DYNC2H1: variants seen among roughly 807,000 people sequenced by gnomAD.
DYNC2H1 encodes dynein cytoplasmic 2 heavy chain 1.
In DYNC2H1, 410 loss-of-function variants were observed where a neutral mutation model predicts 570.0. That is an observed-to-expected ratio of 0.72 (90% CI 0.66 to 0.78). The LOEUF is 0.78. DYNC2H1 is among the 30% of genes least tolerant of loss of function. The pLI, the probability that DYNC2H1 is intolerant of heterozygous loss-of-function variation, is 0.00. For missense variants in DYNC2H1, 4,865 were observed against 5,046.4 expected, an observed-to-expected ratio of 0.96 and a Z score of 1.09; for synonymous variants, 1,688 against 1,677.6, an observed-to-expected ratio of 1.01 and a Z score of -0.15.
chr11:103,206,020 G>A (rs1235035786), intron 52 of DYNC2H1, among the ~76,000 whole-genome samples: 1 of 152,150 alleles, frequency 6.6e-6, no homozygotes, highest in Non-Finnish European at 1.5e-5. Context: ...TTTCTGTGCT[G>A]AAAGTAGACT....
At chr11:103,259,635 A>G (rs1591486822) in intron 69 of DYNC2H1, among the ~76,000 whole-genome samples, 2 of 152,184 alleles carry the variant, frequency 1.3e-5, no homozygotes, top group African/African-American at 4.8e-5. Context: ...TATAAAATTC[A>G]ACTTATATTG....
At position 103,363,374 on chromosome 11, in the gene DYNC2H1, A is replaced by G. The variant is rs1158803047; in HGVS notation, c.12156+5015A>G. Among the ~76,000 whole-genome samples, 1 of 152,162 alleles carries G rather than the reference A, an allele frequency of 6.6e-6. No homozygotes were observed. Among genetic ancestry groups the G allele is most frequent in the Non-Finnish European group, 1.5e-5 (1 of 68,016 alleles). On this transcript the variant is annotated intron_variant, in intron 83 of 88. Coordinates refer to ENST00000375735, the MANE Select transcript of DYNC2H1 (RefSeq NM_001377.3). This position sits in a 1 kb window ranked among gnomAD's most constrained non-coding sequence, Gnocchi z 5.6. ...TGGAGAGGAGATCTACTAGTGTGTT[A>G]TTTCAACTGAGAGAGAATGTTTATC... is the stretch of plus-strand genomic sequence containing the variant.
At chr11:103,377,552 AAACT>A (rs1403000255) in intron 83 of DYNC2H1, among the ~76,000 whole-genome samples, 1 of 152,142 alleles carries the variant, frequency 6.6e-6, no homozygotes, top group African/African-American at 2.4e-5. Context: ...TATTGGTGGA[AAACT>A]AACCATTTAG....
intron 47 of DYNC2H1, 25 bp from the exon 48 acceptor site, chr11:103,197,908 A>G (rs1006587733): frequency 2.6e-6 from 4 of 1,556,946 alleles, no homozygotes; most frequent in African/African-American, 2.7e-5. Flanking sequence ...TGCATATAAA[A>G]CAAAAATATC....
At chr11:103,266,159 G>T (rs531509302) in intron 70 of DYNC2H1, among the ~76,000 whole-genome samples, 1 of 152,182 alleles carries the variant, frequency 6.6e-6, no homozygotes, top group Non-Finnish European at 1.5e-5. Flanking sequence ...TTCATAGTGC[G>T]GTTACAGTGG....
intron 54 of DYNC2H1, among the ~76,000 whole-genome samples, chr11:103,212,550 A>G (rs1277819573): frequency 6.6e-6 from 1 of 152,128 alleles, no homozygotes; most frequent in Non-Finnish European, 1.5e-5. Context: ...TATATTTTAT[A>G]AAGTAATGTT....
At position 103,472,307 on chromosome 11, in the gene DYNC2H1, T is replaced by C. The variant is rs1333711800; in HGVS notation, c.12765+3602T>C. 6.6e-6 allele frequency among the ~76,000 whole-genome samples: 1 copy of C among 152,022 alleles called. No homozygotes were observed. Among genetic ancestry groups the C allele is most frequent in the Non-Finnish European group, 1.5e-5 (1 of 67,966 alleles). ...TGGGAGGCCAAGGCAGGAGAATCAC[T>C]TGAGCCCAGGAGTTAGAGCCTGGCT... is the stretch of plus-strand genomic sequence containing the variant. On this transcript the variant is annotated intron_variant, in intron 88 of 88. Transcript: ENST00000375735. This position sits in a 1 kb window ranked among gnomAD's most constrained non-coding sequence, Gnocchi z 4.1.
rs1939018588 is a variant in DYNC2H1 at position 103,334,615 on chromosome 11, CAT to C, written c.12039+10629_12039+10630del. Among the ~76,000 whole-genome samples, 1 of 151,810 alleles carries C rather than the reference CAT, an allele frequency of 6.6e-6. No homozygotes were observed. The highest frequency in any genetic ancestry group is 2.4e-5 in the African/African-American group (1 of 41,342). Reference sequence around the variant, plus strand: ...TAATATGTAACATCAATATAAATAACATATAAATACGTGTCTTAAATTTGAAG... The same window carrying C: ...TAATATGTAACATCAATATAAATAACATAAATACGTGTCTTAAATTTGAAG... On this transcript the variant is annotated intron_variant, in intron 82 of 88. Transcript: ENST00000375735. This position sits in a 1 kb window ranked among gnomAD's most constrained non-coding sequence, Gnocchi z 4.3.
At chr11:103,298,781 T>C (rs947994641) in intron 75 of DYNC2H1, among the ~76,000 whole-genome samples, 2 of 152,152 alleles carry the variant, frequency 1.3e-5, no homozygotes, top group Admixed American at 6.6e-5. Context: ...ATCATTCATA[T>C]GGAAAGATCT....
Position 103,277,177 on chromosome 11 carries a change from A to C in DYNC2H1, c.10696-3171A>C, listed in dbSNP as rs1023859563. ...TACCCCCTTTTAGACCTTATATAAC[A>C]GGTGTTAAAAATTTGGTTTTATTCT... On this transcript the variant is annotated intron_variant, in intron 70 of 88. Coordinates refer to ENST00000375735, the MANE Select transcript of DYNC2H1 (RefSeq NM_001377.3). This position sits in a 1 kb window ranked among gnomAD's most constrained non-coding sequence, Gnocchi z 4.3. 6.6e-6 allele frequency among the ~76,000 whole-genome samples: 1 copy of C among 152,082 alleles called. No individual in the cohort carries two copies. The highest frequency in any genetic ancestry group is 2.4e-5 in the African/African-American group (1 of 41,440).
Position 103,177,512 on chromosome 11 carries a change from T to C in DYNC2H1, c.5875-44T>C. On this transcript the variant is annotated intron_variant, in intron 37 of 88. Transcript: ENST00000375735. This position sits in a 1 kb window ranked among gnomAD's most constrained non-coding sequence, Gnocchi z 4.4. ...AGAATAAAAGCAGAACTAAGTATGA[T>C]TGAATATTATAAATCATATATGAAC... is the stretch of plus-strand genomic sequence containing the variant. 2.6e-6 allele frequency: 4 copies of C among 1,557,652 alleles called. No individual in the cohort carries two copies. The highest frequency in any genetic ancestry group is 3.5e-6 in the Non-Finnish European group (4 of 1,155,110).
chr11:103,112,048 C>G (rs1246452838), intron 1 of DYNC2H1, among the ~76,000 whole-genome samples: 1 of 152,052 alleles, frequency 6.6e-6, no homozygotes, highest in Non-Finnish European at 1.5e-5. Flanking sequence ...GATGGGGCAG[C>G]GTGGGGAACT....
At chr11:103,284,385 C>G (rs1287430584) in intron 73 of DYNC2H1, among the ~76,000 whole-genome samples, 1 of 152,120 alleles carries the variant, frequency 6.6e-6, no homozygotes, top group Non-Finnish European at 1.5e-5. Context: ...CTGACAAGCT[C>G]TGGTTTTTTG....
chr11:103,300,509 G>A (rs955978394), intron 75 of DYNC2H1, among the ~76,000 whole-genome samples: 1 of 151,984 alleles, frequency 6.6e-6, no homozygotes, highest in South Asian at 2.1e-4. Context: ...TTCACTTAAA[G>A]TGCAACAGAA....
At chr11:103,340,524 T>C (rs1315108866) in intron 82 of DYNC2H1, among the ~76,000 whole-genome samples, 2 of 152,208 alleles carry the variant, frequency 1.3e-5, no homozygotes. Context: ...TATGTGCAAG[T>C]AAAATATTGG....
intron 84 of DYNC2H1, among the ~76,000 whole-genome samples, chr11:103,428,800 G>GCA (rs1943777435): frequency 6.6e-6 from 1 of 151,986 alleles, no homozygotes; most frequent in Admixed American, 6.6e-5. Context: ...CCATGCTGTA[G>GCA]CATATATCAA....
At position 103,257,618 on chromosome 11, in the gene DYNC2H1, C is replaced by T; in HGVS notation, c.10472C>T (p.Ala3491Val). Residue 3491 changes from alanine (A) to valine (V), a missense_variant, in exon 69 of 89, where the codon GCC (alanine) becomes GTC (valine). Around this residue, in one of 5 missense-constraint regions of DYNC2H1, gnomAD observed 2,401 missense variants for 2,454.6 expected, o/e 0.98. Transcript: ENST00000375735. Reference protein sequence around the residue: ...LQISLDQERDAYLPLAESASK... With the variant: ...LQISLDQERDVYLPLAESASK... ...TCTCTTGATCCATAGGAACGGGATGCCTATCTCCCCCTGGCTGAGAGTGCC... is the reference window on the plus strand; with the variant it reads ...TCTCTTGATCCATAGGAACGGGATGTCTATCTCCCCCTGGCTGAGAGTGCC... 3.7e-6 allele frequency: 6 copies of T among 1,610,448 alleles called. No homozygotes were observed. Among genetic ancestry groups the T allele is most frequent in the African/African-American group, 1.3e-5 (1 of 74,916 alleles).
chr11:103,140,415 A>G (rs1016874532), intron 17 of DYNC2H1, among the ~76,000 whole-genome samples: 6 of 152,098 alleles, frequency 3.9e-5, no homozygotes, highest in Non-Finnish European at 8.8e-5. Flanking sequence ...TGGTGGTGAC[A>G]AAATCTCTCA....
rs1860660639 is a variant in DYNC2H1, at chr11:103,153,379, G to GATAAAAATTATCAAGAACT, written c.3173_3174insATAAAAATTATCAAGAACT (p.Trp1058Ter). The GATAAAAATTATCAAGAACT allele has an allele frequency of 6.4e-7, 1 of 1,551,202 alleles. No homozygotes were observed. Among genetic ancestry groups the GATAAAAATTATCAAGAACT allele is most frequent in the East Asian group, 2.4e-5 (1 of 41,298 alleles). On this transcript the variant is annotated stop_gained and frameshift_variant, in exon 22 of 89. Transcript: ENST00000375735. LOFTEE classifies it high-confidence loss of function. ...GAACTGGAAAAATTTAAAGCTCGTT[G>GATAAAAATTATCAAGAACT]GGACCAACTAAAGCCTGGTGATGAT...
Sources: gnomAD v4.1 joint callset for allele counts (sites outside exome capture counted in the v4.1 genomes callset) on GRCh38, gnomAD v4.1.1 for gene constraint, gnomAD v4.1.1 regional missense constraint, Gnocchi (gnomAD v3.1) non-coding constraint, MANE v1.5 for transcripts, NCBI Gene and HGNC (gene_info 2026-07-23, HGNC 2026-07-21) for gene names.